MED27: variants seen among roughly 807,000 people sequenced by gnomAD.
MED27 encodes the protein mediator complex subunit 27.
In MED27, 30 loss-of-function variants were observed where a neutral mutation model predicts 38.2. That is an observed-to-expected ratio of 0.79 (90% CI 0.59 to 1.07). The LOEUF (loss-of-function observed/expected upper bound fraction) is 1.07. MED27 is among the 50% of genes least tolerant of loss of function. MED27 has a pLI of 0.00. For missense variants in MED27, 289 were observed against 397.5 expected, an observed-to-expected ratio of 0.73 and a Z score of 2.32; for synonymous variants, 122 against 153.5, an observed-to-expected ratio of 0.79 and a Z score of 1.52.
At chr9:131,969,165 A>T (rs755820764) in intron 3 of MED27, among the ~76,000 whole-genome samples, 5 of 138,052 alleles carry the variant, frequency 3.6e-5, no homozygotes, top group Non-Finnish European at 6.3e-5. Context: ...TCCTGAAACC[A>T]CCCCCCGCTC....
rs1830993327 is a variant in MED27 at position 131,951,376 on chromosome 9, C to G, written c.480-11902G>C. ...CTGAGAACTCCACAGGGGGAAGGCA[C>G]AGGCCATATTTCTCCCTGCCATCAG... On this transcript the variant is annotated intron_variant, in intron 3 of 7. Transcript: ENST00000292035. Among the ~76,000 whole-genome samples the G allele has an allele frequency of 2.0e-5, 3 of 152,232 alleles. No homozygotes were observed. The South Asian group carries it at 6.2e-4, about 32-fold the overall frequency.
chr9:131,970,286 A>T (rs986696379), intron 3 of MED27, among the ~76,000 whole-genome samples: 1 of 152,218 alleles, frequency 6.6e-6, no homozygotes, highest in African/African-American at 2.4e-5. Context: ...GGACGCCCGG[A>T]GTGGAAGGAG....
At chr9:131,957,591 A>T (rs561858568) in intron 3 of MED27, among the ~76,000 whole-genome samples, 1 of 152,218 alleles carries the variant, frequency 6.6e-6, no homozygotes, top group East Asian at 1.9e-4. Context: ...TACCCCCAAA[A>T]CTAAAACAAC....
chr9:131,903,774 T>C (rs1267826181), intron 4 of MED27, among the ~76,000 whole-genome samples: 3 of 152,096 alleles, frequency 2.0e-5, no homozygotes, highest in Non-Finnish European at 4.4e-5. Context: ...GTTGCCCAGG[T>C]TGGAGTGCAG....
chr9:132,064,488 C>G (rs1322976758), intron 2 of MED27, among the ~76,000 whole-genome samples: 1 of 152,180 alleles, frequency 6.6e-6, no homozygotes, highest in Non-Finnish European at 1.5e-5. Context: ...GTCGATGGAA[C>G]CCTAAAGCTG....
intron 3 of MED27, among the ~76,000 whole-genome samples, chr9:131,966,199 T>TAAAAAAAA (rs201789144): frequency 2.4e-4 from 23 of 96,322 alleles, no homozygotes; most frequent in Non-Finnish European, 3.2e-4. Flanking sequence ...CCTGTTTCTT[T>TAAAAAAAA]AAAAAAAAAA....
At chr9:132,078,213 GTTCTGA>G (rs1273364710) in intron 1 of MED27, among the ~76,000 whole-genome samples, 2 of 152,124 alleles carry the variant, frequency 1.3e-5, no homozygotes, top group Non-Finnish European at 2.9e-5. Context: ...CCAGGAGTAC[GTTCTGA>G]GGGGCCAGTC....
chr9:132,067,142 T>G (rs933627290), intron 2 of MED27, among the ~76,000 whole-genome samples: 5 of 152,222 alleles, frequency 3.3e-5, no homozygotes, highest in Non-Finnish European at 5.9e-5. Context: ...TAATTACCAT[T>G]TATTAAATGC....
At chr9:131,992,831 G>A (rs566785837) in intron 3 of MED27, among the ~76,000 whole-genome samples, 3 of 152,232 alleles carry the variant, frequency 2.0e-5, no homozygotes, top group East Asian at 3.9e-4. Context: ...ACAATATTCA[G>A]CTGGGACATA....
At chr9:132,011,188 T>C (rs558021745) in intron 3 of MED27, among the ~76,000 whole-genome samples, 2 of 152,326 alleles carry the variant, frequency 1.3e-5, no homozygotes, top group East Asian at 3.9e-4. Flanking sequence ...AATACTATAA[T>C]ATACTCCTTT....
chr9:131,957,265 CT>C (rs575713447), intron 3 of MED27, among the ~76,000 whole-genome samples: 294 of 145,702 alleles, frequency 2.0e-3, no homozygotes, highest in Admixed American at 2.4e-3. Context: ...TTCTTTTATT[CT>C]TTTTTTTTTT....
intron 4 of MED27, among the ~76,000 whole-genome samples, chr9:131,930,317 A>G (rs1316290496): frequency 6.6e-6 from 1 of 152,170 alleles, no homozygotes; most frequent in Admixed American, 6.5e-5. Context: ...TTAATAATCA[A>G]ACTCTCAAAG....
intron 3 of MED27, among the ~76,000 whole-genome samples, chr9:132,010,469 C>A (rs1278912489): frequency 6.6e-6 from 1 of 152,170 alleles, no homozygotes; most frequent in Non-Finnish European, 1.5e-5. Context: ...TGGAAGACAG[C>A]GTGGTGATTC....
intron 2 of MED27, among the ~76,000 whole-genome samples, chr9:132,034,135 T>C (rs1318208858): frequency 6.6e-6 from 1 of 152,208 alleles, no homozygotes; most frequent in African/African-American, 2.4e-5. Context: ...ATAAAGAATG[T>C]GGCTTACTGC....
At chr9:131,952,972 A>G (rs540567670) in intron 3 of MED27, among the ~76,000 whole-genome samples, 4 of 152,234 alleles carry the variant, frequency 2.6e-5, no homozygotes, top group Non-Finnish European at 5.9e-5. Flanking sequence ...AATAAAACAC[A>G]TGACATTAAA....
chr9:131,882,616 C>T (rs761392310), intron 6 of MED27, among the ~76,000 whole-genome samples: 4 of 152,148 alleles, frequency 2.6e-5, no homozygotes, highest in Non-Finnish European at 5.9e-5. Context: ...GGATAAAATC[C>T]GAATTCTGCA....
intron 3 of MED27, among the ~76,000 whole-genome samples, chr9:132,013,305 AAAG>A (rs1311030045): frequency 6.6e-6 from 1 of 152,272 alleles, no homozygotes; most frequent in Non-Finnish European, 1.5e-5. Flanking sequence ...TGTTGAGTGA[AAAG>A]AAGCTCATAC....
chr9:132,047,718 T>G (rs745460985), intron 2 of MED27, among the ~76,000 whole-genome samples: 3 of 152,180 alleles, frequency 2.0e-5, no homozygotes, highest in Non-Finnish European at 4.4e-5. Flanking sequence ...ATGCCCTGAA[T>G]GGAATATTAT....
rs942366988 is a variant in MED27 at position 132,079,827 on chromosome 9, A to G, written c.18T>C (p.Asn6=). Residue 6 remains asparagine (N), a synonymous_variant, in exon 1 of 8, where the codon AAT becomes AAC. Coordinates refer to ENST00000292035, the MANE Select transcript of MED27 (RefSeq NM_004269.4). Reference sequence around the variant, plus strand: ...AAAAGGCCTCCAGGTTCACACTGACATTTATCACGTCCGCCATGTTGCCGC... The same window carrying G: ...AAAAGGCCTCCAGGTTCACACTGACGTTTATCACGTCCGCCATGTTGCCGC... MADVI[N]VSVNLEAFSQ... 3 of 1,600,118 alleles carry G rather than the reference A, an allele frequency of 1.9e-6. No homozygotes were observed. The highest frequency in any genetic ancestry group is 1.7e-4 in the Middle Eastern group (1 of 6,026).
Sources: gnomAD v4.1 joint callset for allele counts (sites outside exome capture counted in the v4.1 genomes callset) on GRCh38, gnomAD v4.1.1 for gene constraint, MANE v1.5 for transcripts, NCBI Gene and HGNC (gene_info 2026-07-23, HGNC 2026-07-21) for gene names.